DACH2: variants seen among roughly 807,000 people sequenced by gnomAD.
DACH2 encodes the protein dachshund homolog 2.
DACH2 carries 17 observed loss-of-function variants against 35.8 expected under a neutral mutation model. The observed-to-expected ratio is 0.48, with a 90% CI of 0.33 to 0.71. DACH2 has a LOEUF of 0.71. DACH2 is among the 30% of genes least tolerant of loss of function. The pLI is 0.02. For missense variants in DACH2, 469 were observed against 472.7 expected, an observed-to-expected ratio of 0.99 and a Z score of 0.07; for synonymous variants, 195 against 177.3, an observed-to-expected ratio of 1.10 and a Z score of -0.79.
chrX:86,298,265 G>T (rs971964017), intron 1 of DACH2, among the ~76,000 whole-genome samples: 1 of 111,543 alleles, frequency 9.0e-6, no homozygotes, highest in Non-Finnish European at 1.9e-5. Context: ...GACCCTCTTG[G>T]TCTACCTCCA....
chrX:86,373,002 A>G (rs2035911358), intron 1 of DACH2, among the ~76,000 whole-genome samples: 1 of 110,798 alleles, frequency 9.0e-6, no homozygotes, highest in Admixed American at 9.6e-5. Context: ...AAAGGACATG[A>G]TTTTGTTCTT....
intron 3 of DACH2, among the ~76,000 whole-genome samples, chrX:86,521,174 G>C (rs888906481): frequency 9.0e-6 from 1 of 111,702 alleles, no homozygotes; most frequent in Non-Finnish European, 1.9e-5. Context: ...CGTTTGGCTG[G>C]ATATGAAATT....
intron 1 of DACH2, among the ~76,000 whole-genome samples, chrX:86,291,362 G>A (rs983199880): frequency 5.5e-4 from 48 of 87,025 alleles, no homozygotes; most frequent in African/African-American, 2.2e-3. Context: ...CAATCATGTC[G>A]TCTGCAAACA....
At chrX:86,613,159 C>A (rs1188794109) in intron 3 of DACH2, among the ~76,000 whole-genome samples, 1 of 111,392 alleles carries the variant, frequency 9.0e-6, no homozygotes, top group African/African-American at 3.3e-5. Flanking sequence ...ATATTTTGTG[C>A]AACTCTCCCA....
At chrX:86,713,665 G>T (rs926828497) in intron 5 of DACH2, among the ~76,000 whole-genome samples, 1 of 111,486 alleles carries the variant, frequency 9.0e-6, no homozygotes, top group Non-Finnish European at 1.9e-5. Flanking sequence ...TCACAGTCAC[G>T]TTCACATCCA....
intron 10 of DACH2, among the ~76,000 whole-genome samples, chrX:86,815,702 G>A (rs1235012109): frequency 9.4e-6 from 1 of 106,155 alleles, no homozygotes; most frequent in Admixed American, 1.0e-4. Flanking sequence ...CTTACAAAGG[G>A]AACATATACC....
chrX:86,719,538 A>T, intron 6 of DACH2, among the ~76,000 whole-genome samples: 1 of 111,675 alleles, frequency 9.0e-6, no homozygotes, highest in Non-Finnish European at 1.9e-5. Flanking sequence ...TAATTTATTA[A>T]AAAAAGATGT....
intron 6 of DACH2, among the ~76,000 whole-genome samples, chrX:86,723,471 C>T (rs761199976): frequency 1.8e-5 from 2 of 110,427 alleles, no homozygotes; most frequent in Admixed American, 9.7e-5. Flanking sequence ...TTGTATGTCT[C>T]ATTGGTTTTG....
chrX:86,596,418 A>T (rs1235824033), intron 3 of DACH2, among the ~76,000 whole-genome samples: 2 of 111,026 alleles, frequency 1.8e-5, no homozygotes, highest in Admixed American at 9.6e-5. Context: ...TATGACCCCC[A>T]CTGTGCATAT....
intron 1 of DACH2, chrX:86,160,944 G>T (rs760920250): frequency 1.3e-5 from 10 of 754,027 alleles, no homozygotes; most frequent in African/African-American, 2.1e-5. Context: ...ACCAGATGGT[G>T]GTAGGATGTA....
At chrX:86,268,046 A>C (rs12013653) in intron 1 of DACH2, among the ~76,000 whole-genome samples, 3,782 of 111,962 alleles carry the variant, frequency 0.034, 158 homozygotes, top group African/African-American at 0.12. Context: ...TAGATGAGAA[A>C]AATTGTCAGG....
At chrX:86,504,078 T>C (rs897482347) in intron 2 of DACH2, among the ~76,000 whole-genome samples, 12 of 58,581 alleles carry the variant, frequency 2.0e-4, no homozygotes, top group African/African-American at 8.2e-4. Context: ...CTCAAAGATG[T>C]TCACATGTTG....
rs73245346 is a variant in DACH2 at position 86,554,297 on chromosome X, C to T, written c.640+39906C>T. ...AACAATCTGTATATAACAAAAACAACGACAACATATATGAAGTAAGTGTTT... is the reference window on the plus strand; with the variant it reads ...AACAATCTGTATATAACAAAAACAATGACAACATATATGAAGTAAGTGTTT... On this transcript the variant is annotated intron_variant, in intron 3 of 11. Transcript: ENST00000373125. Among the ~76,000 whole-genome samples the T allele has an allele frequency of 9.9e-4, 109 of 110,653 alleles. 1 individual carries two copies. The highest frequency in any genetic ancestry group is 6.8e-3 in the South Asian group (18 of 2,634).
At chrX:86,767,301 T>C (rs759044369) in intron 7 of DACH2, among the ~76,000 whole-genome samples, 2 of 111,887 alleles carry the variant, frequency 1.8e-5, no homozygotes, top group Admixed American at 9.5e-5. Context: ...TTTCCTATAC[T>C]ACTGTTAATT....
intron 2 of DACH2, among the ~76,000 whole-genome samples, chrX:86,454,380 G>C (rs1266557575): frequency 1.8e-5 from 2 of 111,509 alleles, no homozygotes; most frequent in Non-Finnish European, 3.8e-5. Context: ...TTTCCAATTT[G>C]CTTCCATTCT....
chrX:86,220,002 C>CAA (rs574196058), intron 1 of DACH2, among the ~76,000 whole-genome samples: 25,199 of 61,040 alleles, frequency 0.41, 5,005 homozygotes, highest in East Asian at 0.68. Flanking sequence ...ACTAAAAATA[C>CAA]AAAAAAAAAA....
chrX:86,773,409 CA>C (rs1227007886), intron 7 of DACH2, among the ~76,000 whole-genome samples: 2 of 111,648 alleles, frequency 1.8e-5, no homozygotes, highest in Non-Finnish European at 3.8e-5. Flanking sequence ...AAAATTCTGA[CA>C]GAATGAAGTG....
intron 2 of DACH2, among the ~76,000 whole-genome samples, chrX:86,497,626 G>A (rs1228959875): frequency 9.0e-6 from 1 of 111,103 alleles, no homozygotes; most frequent in African/African-American, 3.3e-5. Context: ...GTCTTAAGAT[G>A]GTGATGTGTG....
At chrX:86,670,273 A>G (rs191153311) in intron 4 of DACH2, among the ~76,000 whole-genome samples, 4 of 111,246 alleles carry the variant, frequency 3.6e-5, no homozygotes, top group African/African-American at 1.3e-4. Context: ...AATAATAAAC[A>G]TTTGATGAAT....
Sources: gnomAD v4.1 joint callset for allele counts (sites outside exome capture counted in the v4.1 genomes callset) on GRCh38, gnomAD v4.1.1 for gene constraint, MANE v1.5 for transcripts, NCBI Gene and HGNC (gene_info 2026-07-23, HGNC 2026-07-21) for gene names.